Variants in FLI1 observed in about 807,000 individuals in gnomAD.
FLI1 encodes Fli-1 proto-oncogene, ETS transcription factor, also known as Friend leukemia integration 1 transcription factor.
Under a neutral mutation model 53.1 loss-of-function variants are expected in FLI1, and 13 were observed. The observed-to-expected ratio is 0.24, with a 90% CI of 0.16 to 0.39. The LOEUF (loss-of-function observed/expected upper bound fraction) is 0.39, where lower values mean the gene tolerates loss of function less well. FLI1 is among the 10% of genes least tolerant of loss of function. FLI1 has a pLI of 1.00. For missense variants in FLI1, 424 were observed against 600.5 expected (o/e 0.71, Z 3.07); for synonymous variants, 244 against 236.7 (o/e 1.03, Z -0.28).
intron 5 of FLI1, among the ~76,000 whole-genome samples, chr11:128,800,070 G>A (rs1164945639): frequency 6.6e-6 from 1 of 152,142 alleles, no homozygotes; most frequent in Non-Finnish European, 1.5e-5. Context: ...GGGAAGTTGA[G>A]GGCTTTGGGT....
intron 1 of FLI1, among the ~76,000 whole-genome samples, chr11:128,748,073 C>G (rs959100346): frequency 6.6e-6 from 1 of 152,096 alleles, no homozygotes; most frequent in Non-Finnish European, 1.5e-5. Context: ...ACGGGAGGCC[C>G]GTGAGGCACA....
At chr11:128,766,661 G>A (rs1697881402) in intron 2 of FLI1, among the ~76,000 whole-genome samples, 1 of 151,802 alleles carries the variant, frequency 6.6e-6, no homozygotes, top group Non-Finnish European at 1.5e-5. Flanking sequence ...CTTCTCCTGG[G>A]TTAGTGACTG....
chr11:128,767,322 T>C (rs1941380721), intron 2 of FLI1, among the ~76,000 whole-genome samples: 1 of 152,182 alleles, frequency 6.6e-6, no homozygotes, highest in South Asian at 2.1e-4. Context: ...CAGGTGGAAG[T>C]TCCTGGACTC....
intron 1 of FLI1, among the ~76,000 whole-genome samples, chr11:128,707,680 T>C (rs1230597723): frequency 6.6e-6 from 1 of 152,144 alleles, no homozygotes; most frequent in African/African-American, 2.4e-5. Flanking sequence ...CCCCTGAGTT[T>C]TGTAGACAAG....
At chr11:128,723,965 G>A (rs1332059592) in intron 1 of FLI1, among the ~76,000 whole-genome samples, 2 of 118,478 alleles carry the variant, frequency 1.7e-5, no homozygotes, top group Non-Finnish European at 1.7e-5. Context: ...TTTTTGAGAC[G>A]GAGTTTCACT....
At chr11:128,784,220 TCTCCTCCTCCTCCTCCTCCTC>T (rs61050928) in intron 5 of FLI1, among the ~76,000 whole-genome samples, 5,326 of 117,982 alleles carry the variant, frequency 0.045, 374 homozygotes, top group African/African-American at 0.15. Flanking sequence ...TTGCTAACCA[TCTCCTCCTCCTCCTCCTCCTC>T]CTCCTCCTCC....
chr11:128,705,890 C>T (rs1053854014), intron 1 of FLI1, among the ~76,000 whole-genome samples: 3 of 152,178 alleles, frequency 2.0e-5, no homozygotes, highest in Admixed American at 6.5e-5. Context: ...TAGGGCCAAG[C>T]GCCTGCCTTT....
At position 128,768,163 on chromosome 11, in the gene FLI1, G is replaced by A. The variant is rs2135832595; in HGVS notation, c.276G>A (p.Val92=). 6.2e-7 allele frequency: 1 copy of A among 1,613,828 alleles called. No individual in the cohort carries two copies. Among genetic ancestry groups the A allele is most frequent in the South Asian group, 1.1e-5 (1 of 91,064 alleles). Residue 92 remains valine, a synonymous_variant, in exon 3 of 9, where the codon GTG becomes GTA. Transcript: ENST00000527786. ...DCSVSKCSKL[V]GGGESNPMNY... ...GCGTTAGCAAATGCAGCAAGCTGGTGGGCGGAGGCGAGTCCAACCCCATGA... is the reference window on the plus strand; with the variant it reads ...GCGTTAGCAAATGCAGCAAGCTGGTAGGCGGAGGCGAGTCCAACCCCATGA...
chr11:128,692,711 C>G (rs561539043), upstream of FLI1: 1 of 152,350 alleles, frequency 6.6e-6, no homozygotes, highest in Admixed American at 6.5e-5. Context: ...TGACTTGGAT[C>G]TCCTCTGGAT....
At chr11:128,768,318 C>G (rs767487239) in intron 3 of FLI1, 46 bp downstream of exon 3, 2 of 1,487,240 alleles carry the variant, frequency 1.3e-6, no homozygotes, top group South Asian at 2.3e-5. Flanking sequence ...CTTCCCCACT[C>G]TCTGGGGGGG....
At chr11:128,732,434 T>G (rs1416177006) in intron 1 of FLI1, among the ~76,000 whole-genome samples, 1 of 152,242 alleles carries the variant, frequency 6.6e-6, no homozygotes, top group Non-Finnish European at 1.5e-5. Context: ...GAGTGCATAC[T>G]CTGCCAGGCA....
At chr11:128,765,581 T>G (rs893932100) in intron 2 of FLI1, among the ~76,000 whole-genome samples, 3 of 152,232 alleles carry the variant, frequency 2.0e-5, no homozygotes, top group African/African-American at 4.8e-5. Flanking sequence ...CCCTATGCCC[T>G]CTTGCTCTGG....
At chr11:128,793,545 C>T (rs1244581388) in intron 5 of FLI1, among the ~76,000 whole-genome samples, 10 of 152,226 alleles carry the variant, frequency 6.6e-5, no homozygotes, top group African/African-American at 2.4e-4. Context: ...AAGGCACCTT[C>T]CTGCCACTAC....
chr11:128,763,313 C>T (rs1401944240), intron 2 of FLI1, among the ~76,000 whole-genome samples: 1 of 152,176 alleles, frequency 6.6e-6, no homozygotes, highest in African/African-American at 2.4e-5. Context: ...TCTCTTTCTT[C>T]ATATCTTCCT....
At chr11:128,780,876 A>G (rs1543786) in intron 4 of FLI1, among the ~76,000 whole-genome samples, 34,805 of 152,196 alleles carry the variant, frequency 0.23, 5,882 homozygotes, top group African/African-American at 0.47. Flanking sequence ...GGTATGTTTT[A>G]TAAAAGCAGA....
intron 1 of FLI1, among the ~76,000 whole-genome samples, chr11:128,715,095 A>G (rs954457852): frequency 6.6e-6 from 1 of 152,136 alleles, no homozygotes; most frequent in African/African-American, 2.4e-5. Flanking sequence ...AAGAACCAAG[A>G]CATACGAAAC....
At chr11:128,723,598 G>A (rs947930) in intron 1 of FLI1, among the ~76,000 whole-genome samples, 125,090 of 152,222 alleles carry the variant, frequency 0.82, 51,943 homozygotes, top group East Asian at 0.96. Context: ...AAGGAGGATA[G>A]GTATAGAAAA....
At chr11:128,699,716 C>A (rs186752997) in intron 1 of FLI1, among the ~76,000 whole-genome samples, 109 of 152,324 alleles carry the variant, frequency 7.2e-4, no homozygotes, top group African/African-American at 2.6e-3. Flanking sequence ...GATAGACCCA[C>A]CATCAGTTGC....
chr11:128,805,289 C>T, intron 5 of FLI1, 77 bp from the exon 6 acceptor site: 1 of 792,144 alleles, frequency 1.3e-6, no homozygotes, highest in Non-Finnish European at 2.1e-6. Flanking sequence ...TTCTCCTGAT[C>T]ACTACAGATA....
Sources: gnomAD v4.1 joint callset for allele counts (sites outside exome capture counted in the v4.1 genomes callset) on GRCh38, gnomAD v4.1.1 for gene constraint, MANE v1.5 for transcripts, NCBI Gene and HGNC (gene_info 2026-07-23, HGNC 2026-07-21) for gene names.